The following CENPI variants were observed in gnomAD, a reference collection of about 807,000 sequenced individuals.
CENPI encodes the protein centromere protein I.
A neutral mutation model predicts 60.4 loss-of-function variants in CENPI; 4 were observed. That is an observed-to-expected ratio of 0.07 (90% confidence interval 0.03 to 0.15). The LOEUF is 0.15. Ranked by LOEUF, CENPI falls within the 10% of genes least tolerant of loss-of-function variation. The pLI, the probability that CENPI is intolerant of heterozygous loss-of-function variation, is 1.00. For missense variants in CENPI, 444 were observed against 534.5 expected, an observed-to-expected ratio of 0.83 and a Z score of 1.67; for synonymous variants, 157 against 189.4, an observed-to-expected ratio of 0.83 and a Z score of 1.40.
At chrX:101,158,569 G>A (rs113322458) in intron 20 of CENPI, among the ~76,000 whole-genome samples, 3,522 of 108,947 alleles carry the variant, frequency 0.032, 182 homozygotes, top group African/African-American at 0.11. Flanking sequence ...GAGCTACTGC[G>A]CCTGGCTGGA....
chrX:101,139,282 A>G (rs1361937193), intron 15 of CENPI, among the ~76,000 whole-genome samples: 6 of 89,349 alleles, frequency 6.7e-5, no homozygotes, highest in African/African-American at 2.5e-4. Context: ...TTTAGTAGAG[A>G]TGGGGTTTCA....
chrX:101,140,580 C>T (rs191059835), intron 15 of CENPI, 86 bp from the exon 16 acceptor site: 9,810 of 657,028 alleles, frequency 0.015, 70 homozygotes, highest in Middle Eastern at 0.068. Flanking sequence ...CTCCATGGTC[C>T]TTTTCATCTC....
chrX:101,116,000 G>C (rs1275658213), intron 6 of CENPI, among the ~76,000 whole-genome samples: 4 of 111,405 alleles, frequency 3.6e-5, no homozygotes, highest in Non-Finnish European at 7.5e-5. Flanking sequence ...TCCTTTTTAT[G>C]GGTGAATAAT....
downstream of CENPI, among the ~76,000 whole-genome samples, chrX:101,167,188 G>T (rs2090146617): frequency 2.7e-5 from 3 of 112,550 alleles, no homozygotes; most frequent in Non-Finnish European, 5.6e-5. Context: ...GTGATTCTCT[G>T]TAATTCTTAC....
intron 16 of CENPI, among the ~76,000 whole-genome samples, chrX:101,144,671 C>T (rs1185496228): frequency 9.0e-6 from 1 of 111,618 alleles, no homozygotes; most frequent in East Asian, 2.8e-4. Flanking sequence ...GTGTGAGCCA[C>T]TCTGCCCGGC....
intron 20 of CENPI, among the ~76,000 whole-genome samples, chrX:101,160,822 G>T (rs1164635154): frequency 9.0e-6 from 1 of 111,670 alleles, no homozygotes; most frequent in African/African-American, 3.3e-5. Context: ...ATTAAACAAA[G>T]TATACACATA....
In CENPI at chrX:101,161,834, T is replaced by A. The variant is rs982540697; in HGVS notation, c.2136+265T>A. Among the ~76,000 whole-genome samples, 4 of 112,191 alleles carry A rather than the reference T, an allele frequency of 3.6e-5. No individual in the cohort carries two copies. The Admixed American group carries it at 3.8e-4, about 11-fold the overall frequency. ...TTGTAATGAAATAAAGTATGATTTG[T>A]TACTGGCGTAACAAAGCCATACATA... On this transcript the variant is annotated intron_variant, in intron 21 of 21. Coordinates refer to ENST00000682095, the MANE Select transcript of CENPI (RefSeq NM_001386188.2).
chrX:101,145,300 G>GATCTT (rs2089953190), intron 17 of CENPI, 101 bp downstream of exon 17: 1 of 636,202 alleles, frequency 1.6e-6, no homozygotes, highest in African/African-American at 2.2e-5. Flanking sequence ...GGTGGGCTAT[G>GATCTT]ATCTTATTAG....
At chrX:101,176,422 C>T in the CENPI span, among the ~76,000 whole-genome samples, 4 of 111,016 alleles carry the variant, frequency 3.6e-5, no homozygotes, top group Non-Finnish European at 7.6e-5. Context: ...ATTCCCCTTT[C>T]ACATCCTTGC....
intron 20 of CENPI, among the ~76,000 whole-genome samples, chrX:101,149,355 A>G (rs2089988008): frequency 9.0e-6 from 1 of 111,522 alleles, no homozygotes; most frequent in South Asian, 3.8e-4. Context: ...TTATTTACAA[A>G]ACAGGTGTTG....
chrX:101,135,772 G>A lies in CENPI; in HGVS notation c.1470+3316G>A, dbSNP rs904104125. ...GTCTCGCTCTGTCGCCCAGGCTGGA[G>A]TGCAGTGGCGTGATCTTGGCTTACT... On this transcript the variant is annotated intron_variant, in intron 15 of 21. Coordinates refer to ENST00000682095, the MANE Select transcript of CENPI (RefSeq NM_001386188.2). Among the ~76,000 whole-genome samples the A allele has an allele frequency of 4.5e-5, 5 of 111,467 alleles. No individual in the cohort carries two copies. The Admixed American group carries it at 4.8e-4, about 11-fold the overall frequency.
At chrX:101,162,180 T>C (rs1420406359) in intron 21 of CENPI, among the ~76,000 whole-genome samples, 1 of 109,785 alleles carries the variant, frequency 9.1e-6, no homozygotes, top group Non-Finnish European at 1.9e-5. Context: ...CCTCAAGTGA[T>C]CTGCCCGCCT....
chrX:101,149,671 T>C (rs1367770776), intron 20 of CENPI, among the ~76,000 whole-genome samples: 1 of 110,673 alleles, frequency 9.0e-6, no homozygotes, highest in Non-Finnish European at 1.9e-5. Flanking sequence ...CACGCCTGGC[T>C]AATTTTTATA....
chrX:101,143,524 A>T (rs191096597), intron 16 of CENPI, among the ~76,000 whole-genome samples: 81 of 112,236 alleles, frequency 7.2e-4, no homozygotes, highest in African/African-American at 1.2e-3. Flanking sequence ...GTGAAAAAAA[A>T]ATATACATAT....
intron 4 of CENPI, among the ~76,000 whole-genome samples, chrX:101,105,466 G>A (rs1424278335): frequency 8.9e-6 from 1 of 112,175 alleles, no homozygotes; most frequent in Non-Finnish European, 1.9e-5. Flanking sequence ...GGAGCTTGCA[G>A]TGAGCCGAGG....
intron 6 of CENPI, among the ~76,000 whole-genome samples, chrX:101,112,300 A>G (rs149543499): frequency 2.7e-3 from 299 of 112,258 alleles, no homozygotes; most frequent in Admixed American, 4.9e-3. Flanking sequence ...TAGTTATCAT[A>G]TAATGAAATG....
At chrX:101,128,329 G>A (rs1437163199) in intron 11 of CENPI, among the ~76,000 whole-genome samples, 6 of 108,916 alleles carry the variant, frequency 5.5e-5, no homozygotes, top group Admixed American at 4.9e-4. Flanking sequence ...GCGAAACTCT[G>A]TCTCAAAATA....
rs756737077 is a variant in CENPI at position 101,128,861 on chromosome X, A to G, written c.1195+25A>G. On this transcript the variant is annotated intron_variant, in intron 12 of 21. Coordinates refer to ENST00000682095, the MANE Select transcript of CENPI (RefSeq NM_001386188.2). ...GGTAAGAATTGAGTGAGGATGGACC[A>G]AGATAGTTAACAAATGGGTTTCTTT... 6.7e-6 allele frequency: 8 copies of G among 1,189,992 alleles called. No homozygotes were observed. In the East Asian group the frequency reaches 2.1e-4, roughly 31 times the overall value.
At chrX:101,148,248 A>T in intron 20 of CENPI, 87 bp downstream of exon 20, 1 of 787,809 alleles carries the variant, frequency 1.3e-6, no homozygotes, top group Non-Finnish European at 1.9e-6. Context: ...ATGTGTCTGA[A>T]TTGTAAGACG....
Sources: allele counts gnomAD v4.1 joint callset (sites outside exome capture counted in the v4.1 genomes callset), GRCh38; gene constraint gnomAD v4.1.1; transcripts MANE v1.5; gene names NCBI Gene and HGNC (gene_info 2026-07-23, HGNC 2026-07-21).